Variants in ZNF850 observed in about 807,000 individuals in gnomAD.
ZNF850 encodes the protein zinc finger protein 850.
ZNF850 carries 2 observed loss-of-function variants against 11.9 expected under a neutral mutation model. The observed-to-expected ratio is 0.17, with a 90% CI of 0.07 to 0.53. The LOEUF (loss-of-function observed/expected upper bound fraction) is 0.53. Ranked by LOEUF, ZNF850 falls within the 20% of genes least tolerant of loss-of-function variation. The pLI is 0.94. For synonymous variants in ZNF850, 381 were observed against 443.0 expected (o/e 0.86, Z 1.76); for missense variants, 1,014 against 1,316.4 (o/e 0.77, Z 3.55).
intron 1 of ZNF850, among the ~76,000 whole-genome samples, chr19:36,765,487 A>C (rs1263504146): frequency 6.6e-6 from 1 of 151,426 alleles, no homozygotes; most frequent in Non-Finnish European, 1.5e-5. Context: ...AAAGCTTTAT[A>C]TTTCCTCAAG....
At chr19:36,767,327 C>T (rs1466325618) in intron 1 of ZNF850, among the ~76,000 whole-genome samples, 9 of 151,938 alleles carry the variant, frequency 5.9e-5, no homozygotes, top group Non-Finnish European at 7.4e-5. Context: ...GAGGCTGAGG[C>T]GGGCAGATGA....
At chr19:36,771,143 G>T (rs1568321603) in intron 1 of ZNF850, among the ~76,000 whole-genome samples, 1 of 152,192 alleles carries the variant, frequency 6.6e-6, no homozygotes, top group Non-Finnish European at 1.5e-5. Context: ...TCACGGCCAA[G>T]AAAATTAAGG....
At chr19:36,755,180 A>G (rs547415073) in intron 4 of ZNF850, among the ~76,000 whole-genome samples, 1 of 152,322 alleles carries the variant, frequency 6.6e-6, no homozygotes, top group South Asian at 2.1e-4. Flanking sequence ...AATGCAAAAC[A>G]TTTACAAAAG....
chr19:36,770,792 GA>G lies in ZNF850; in HGVS notation c.-70+1932del, dbSNP rs556739191. Among the ~76,000 whole-genome samples, 461 of 145,494 alleles carry G rather than the reference GA, an allele frequency of 3.2e-3. 1 individual carries two copies. The highest frequency in any genetic ancestry group is 5.1e-3 in the Non-Finnish European group (340 of 66,836). On this transcript the variant is annotated intron_variant, in intron 1 of 4. Transcript: ENST00000591344. ...TAGGAGTTGTATGCGAGGAAATAGG[GA>G]CAAAGACCAAATCTGTATTTGAGAA...
At chr19:36,760,279 C>T (rs2040510050) in intron 4 of ZNF850, among the ~76,000 whole-genome samples, 1 of 151,994 alleles carries the variant, frequency 6.6e-6, no homozygotes, top group Non-Finnish European at 1.5e-5. Context: ...AACCCTGTCT[C>T]TACTAAAAAT....
At position 36,760,447 on chromosome 19, in the gene ZNF850, AAAAT is replaced by A. The variant is rs570078219; in HGVS notation, c.235+1192_235+1195del. 3.3e-5 allele frequency among the ~76,000 whole-genome samples: 5 copies of A among 152,180 alleles called. No homozygotes were observed. The South Asian group carries it at 1.0e-3, about 32-fold the overall frequency. On this transcript the variant is annotated intron_variant, in intron 4 of 4. Transcript: ENST00000591344. The stretch of plus-strand genomic sequence containing the variant: ...GGGCAACACAAAGAGATATTGTCTC[AAAAT>A]AAATAAATAAATAAACCCTTTATTA...
intron 4 of ZNF850, among the ~76,000 whole-genome samples, chr19:36,756,150 T>A (rs2040485358): frequency 6.6e-6 from 1 of 152,082 alleles, no homozygotes; most frequent in Admixed American, 6.6e-5. Context: ...GTGATCCACC[T>A]GCCTTGGCCT....
At position 36,749,047 on chromosome 19, in the gene ZNF850, T is replaced by C; in HGVS notation, c.1993A>G (p.Arg665Gly). 6.2e-7 allele frequency: 1 copy of C among 1,605,278 alleles called. No homozygotes were observed. Among genetic ancestry groups the C allele is most frequent in the Non-Finnish European group, 8.5e-7 (1 of 1,177,248 alleles). Reference sequence around the variant, plus strand: ...TAGGGTTTCTCACCAGTGTGAATTCTGTGATGTTGGGTGAGTCCTGAGACA... The same window carrying C: ...TAGGGTTTCTCACCAGTGTGAATTCCGTGATGTTGGGTGAGTCCTGAGACA... The part of the protein sequence containing the change: ...VSVSGLTQHH[R>G]IHTGEKPYEC... Residue 665 changes from arginine (R) to glycine (G), a missense_variant, in exon 5 of 5, where the codon AGA (arginine) becomes GGA (glycine). Physicochemically the swap from Arg to Gly is moderately radical, Grantham distance 125 (BLOSUM62 -2). Around this residue, in one of 2 missense-constraint regions of ZNF850, gnomAD observed 835 missense variants for 1,022.0 expected, o/e 0.82. Coordinates refer to ENST00000591344, the MANE Select transcript of ZNF850 (RefSeq NM_001193552.2).
At chr19:36,772,483 G>A (rs1215205789) in intron 1 of ZNF850, among the ~76,000 whole-genome samples, 2 of 151,978 alleles carry the variant, frequency 1.3e-5, no homozygotes, top group South Asian at 4.1e-4. Flanking sequence ...CCCACCCCGG[G>A]ACACGCAGTC....
chr19:36,762,049 A>C (rs1482915585), intron 3 of ZNF850, among the ~76,000 whole-genome samples: 1 of 151,046 alleles, frequency 6.6e-6, no homozygotes, highest in African/African-American at 2.4e-5. Flanking sequence ...TTGTCTCAAA[A>C]AAAAAAAAAA....
At position 36,749,087 on chromosome 19, in the gene ZNF850, C is replaced by A. The variant is rs1000479759; in HGVS notation, c.1953G>T (p.Gly651=). Residue 651 remains glycine (G), a synonymous_variant, in exon 5 of 5, where the codon GGG becomes GGT. Coordinates refer to ENST00000591344, the MANE Select transcript of ZNF850 (RefSeq NM_001193552.2). ...GEKPYQCQEC[G]KAFVSVSGLT... is the part of the protein sequence containing the mutation. ...GTCCTGAGACACTGACAAAGGCTTT[C>A]CCACATTCCTGACATTGATAAGGTT... 6.2e-7 allele frequency: 1 copy of A among 1,601,576 alleles called. No individual in the cohort carries two copies. Among genetic ancestry groups the A allele is most frequent in the Non-Finnish European group, 8.5e-7 (1 of 1,175,774 alleles).
intron 4 of ZNF850, among the ~76,000 whole-genome samples, chr19:36,758,467 C>G (rs1041082655): frequency 2.0e-5 from 3 of 149,776 alleles, no homozygotes; most frequent in Admixed American, 2.0e-4. Context: ...TGCTCCTCCT[C>G]CTCCTCCTGG....
chr19:36,745,930 C>G lies in ZNF850; in HGVS notation c.*1837G>C, dbSNP rs1394759993. On this transcript the variant is annotated 3_prime_UTR_variant, in exon 5 of 5. Coordinates refer to ENST00000591344, the MANE Select transcript of ZNF850 (RefSeq NM_001193552.2). Reference sequence around the variant, plus strand: ...TAGCAGTGAGGACGACCAGAGGTCACTCTTGTCACCATCTTGGATTTGGCC... The same window carrying G: ...TAGCAGTGAGGACGACCAGAGGTCAGTCTTGTCACCATCTTGGATTTGGCC... 1 of 152,196 alleles carries G rather than the reference C, an allele frequency of 6.6e-6. No individual in the cohort carries two copies. Among genetic ancestry groups the G allele is most frequent in the African/African-American group, 2.4e-5 (1 of 41,444 alleles). 9.4% of individuals were successfully genotyped at this position (152,196 alleles called of 1,614,324 possible).
intron 4 of ZNF850, among the ~76,000 whole-genome samples, chr19:36,761,069 G>A (rs372007583): frequency 1.3e-3 from 193 of 152,234 alleles, no homozygotes; most frequent in African/African-American, 4.5e-3. Flanking sequence ...GATGGCTCCC[G>A]AAGAAGGGAA....
chr19:36,757,076 G>A (rs944431770), intron 4 of ZNF850, among the ~76,000 whole-genome samples: 4 of 152,290 alleles, frequency 2.6e-5, no homozygotes, highest in African/African-American at 9.6e-5. Context: ...TGACTGGCTA[G>A]TTTGATGCTT....
At chr19:36,772,487 C>A (rs1412351674) in intron 1 of ZNF850, among the ~76,000 whole-genome samples, 1 of 152,192 alleles carries the variant, frequency 6.6e-6, no homozygotes, top group East Asian at 1.9e-4. Flanking sequence ...CCCCGGGACA[C>A]GCAGTCCAAC....
chr19:36,769,297 A>T lies in ZNF850; in HGVS notation c.-70+3428T>A, dbSNP rs1377232890. Among the ~76,000 whole-genome samples the T allele has an allele frequency of 1.3e-5, 2 of 149,098 alleles. 1 individual carries two copies. The highest frequency in any genetic ancestry group is 3.0e-5 in the Non-Finnish European group (2 of 67,402). On this transcript the variant is annotated intron_variant, in intron 1 of 4. Coordinates refer to ENST00000591344, the MANE Select transcript of ZNF850 (RefSeq NM_001193552.2). Reference sequence around the variant, plus strand: ...AAAAAAAAGAAAGAAAGAAAGAAAGAAAGAAAGAAAAAGAAAATCAGTGAT... The same window carrying T: ...AAAAAAAAGAAAGAAAGAAAGAAAGTAAGAAAGAAAAAGAAAATCAGTGAT...
chr19:36,750,355 C>G lies in ZNF850; in HGVS notation c.685G>C (p.Glu229Gln), dbSNP rs1214155690. ...CCAGAAATAAAAGCTTTTCCATATT[C>G]TTTACATGCACAGGGCTTTTCCCCA... ...HTGEKPCACK[E>Q]YGKAFISGSH... The change falls in exon 5 of 5, where the codon GAA becomes CAA. Residue 229 changes from glutamate (E) to glutamine (Q), a missense_variant. Glu to Gln is a conservative substitution (Grantham distance 29). Around this residue, in one of 2 missense-constraint regions of ZNF850, gnomAD observed 835 missense variants for 1,022.0 expected, o/e 0.82. Transcript: ENST00000591344. 11 of 1,536,400 alleles carry G rather than the reference C, an allele frequency of 7.2e-6. No individual in the cohort carries two copies. The highest frequency in any genetic ancestry group is 1.7e-4 in the Middle Eastern group (1 of 6,012).
rs879236614 is a variant in ZNF850, at chr19:36,748,390, T to C, written c.2650A>G (p.Ile884Val). 6.4e-7 allele frequency: 1 copy of C among 1,552,462 alleles called. No homozygotes were observed. Among genetic ancestry groups the C allele is most frequent in the Non-Finnish European group, 8.7e-7 (1 of 1,151,182 alleles). The change falls in exon 5 of 5, where the codon ATA (isoleucine) becomes GTA (valine). Residue 884 changes from isoleucine (I) to valine (V), a missense_variant. Ile to Val is a conservative substitution (Grantham distance 29). Coordinates refer to ENST00000591344, the MANE Select transcript of ZNF850 (RefSeq NM_001193552.2). ...CGKSFAFRSA[I>V]IQHRRIHTGE... ...GTGTGAATTCGCCGATGTTGGATTA[T>C]TGCTGAGCGAAAAGCAAAAGATTTT... is the stretch of plus-strand genomic sequence containing the variant.
Sources: allele counts gnomAD v4.1 joint callset (sites outside exome capture counted in the v4.1 genomes callset), GRCh38; gene constraint gnomAD v4.1.1; regional missense constraint gnomAD v4.1.1; transcripts MANE v1.5; gene names NCBI Gene and HGNC (gene_info 2026-07-23, HGNC 2026-07-21).